The following NOL4 variants were observed in gnomAD, a reference collection of about 807,000 sequenced individuals.
NOL4 encodes nucleolar protein 4, also known as cancer/testis antigen 125.
NOL4 carries 17 observed loss-of-function variants against 75.9 expected under a neutral mutation model. That is an observed-to-expected ratio of 0.22 (90% CI 0.15 to 0.34). The LOEUF is 0.34. NOL4 is among the 10% of genes least tolerant of loss of function. The pLI is 1.00. For missense variants in NOL4, 614 were observed against 793.5 expected (o/e 0.77, Z 2.72); for synonymous variants, 292 against 289.9 (o/e 1.01, Z -0.07).
intron 6 of NOL4, among the ~76,000 whole-genome samples, chr18:33,970,249 T>C (rs1053090441): frequency 3.3e-5 from 5 of 152,196 alleles, no homozygotes; most frequent in African/African-American, 1.2e-4. Context: ...AACCCAGATA[T>C]GTAATATTTG....
intron 9 of NOL4, among the ~76,000 whole-genome samples, chr18:33,908,643 A>G (rs1429934565): frequency 6.6e-6 from 1 of 152,216 alleles, no homozygotes; most frequent in Non-Finnish European, 1.5e-5. Flanking sequence ...TATTTCAAGC[A>G]TATCAATTAT....
At chr18:34,042,096 C>T (rs922836242) in intron 5 of NOL4, among the ~76,000 whole-genome samples, 1 of 151,974 alleles carries the variant, frequency 6.6e-6, no homozygotes, top group South Asian at 2.1e-4. Flanking sequence ...TCTGAATATA[C>T]TTTAGTAAAT....
intron 5 of NOL4, among the ~76,000 whole-genome samples, chr18:34,066,502 T>C (rs1231565072): frequency 6.6e-6 from 1 of 151,978 alleles, no homozygotes; most frequent in Admixed American, 6.6e-5. Flanking sequence ...TATTGAACTA[T>C]TTACATAGAA....
chr18:34,011,183 G>A (rs1051049399), intron 6 of NOL4, among the ~76,000 whole-genome samples: 9 of 151,622 alleles, frequency 5.9e-5, no homozygotes, highest in Non-Finnish European at 1.0e-4. Flanking sequence ...ATGCATGTAT[G>A]AGACCATCAC....
chr18:34,218,829 G>T (rs10221293), intron 1 of NOL4, among the ~76,000 whole-genome samples: 4,338 of 152,240 alleles, frequency 0.028, 202 homozygotes, highest in African/African-American at 0.098. Context: ...ATAAATAACT[G>T]GGTCTGTAGC....
chr18:33,907,302 C>T (rs1411037282), intron 9 of NOL4, among the ~76,000 whole-genome samples: 2 of 121,514 alleles, frequency 1.6e-5, no homozygotes, highest in South Asian at 2.7e-4. Flanking sequence ...CCAGCCTGGG[C>T]GACAGAGCGA....
chr18:33,865,421 A>T (rs747257618), intron 10 of NOL4, among the ~76,000 whole-genome samples: 1 of 152,032 alleles, frequency 6.6e-6, no homozygotes, highest in Non-Finnish European at 1.5e-5. Context: ...ATTTTTTTCC[A>T]GTATTTTTGA....
intron 8 of NOL4, among the ~76,000 whole-genome samples, chr18:33,948,895 G>A (rs181811291): frequency 2.0e-5 from 3 of 152,118 alleles, no homozygotes; most frequent in Admixed American, 2.0e-4. Flanking sequence ...TATTAAGAGT[G>A]TGTTTAGTAG....
At chr18:34,125,659 C>T (rs567975402) in intron 2 of NOL4, among the ~76,000 whole-genome samples, 19 of 151,996 alleles carry the variant, frequency 1.3e-4, no homozygotes, top group African/African-American at 3.4e-4. Context: ...TATTAATGTT[C>T]GGAGTAAGGC....
intron 4 of NOL4, among the ~76,000 whole-genome samples, chr18:34,102,052 C>G (rs2079066030): frequency 6.6e-6 from 1 of 151,662 alleles, no homozygotes. Context: ...CACTATATCC[C>G]TCTGCTACAT....
At chr18:34,173,647 G>T (rs1263010348) in intron 1 of NOL4, among the ~76,000 whole-genome samples, 2 of 152,082 alleles carry the variant, frequency 1.3e-5, no homozygotes, top group African/African-American at 4.8e-5. Context: ...AATGCTGAAA[G>T]AATATTTTTA....
At chr18:34,061,324 T>C (rs2077054345) in intron 5 of NOL4, among the ~76,000 whole-genome samples, 1 of 152,172 alleles carries the variant, frequency 6.6e-6, no homozygotes. Flanking sequence ...AAGAAAAATA[T>C]AATGAGGTGT....
chr18:34,118,336 C>T (rs2079960642), intron 2 of NOL4, among the ~76,000 whole-genome samples: 1 of 152,038 alleles, frequency 6.6e-6, no homozygotes, highest in Admixed American at 6.6e-5. Flanking sequence ...GAAATAATCT[C>T]CTAGTGAAAT....
chr18:33,924,298 G>C (rs539354274), intron 9 of NOL4, among the ~76,000 whole-genome samples: 5 of 152,214 alleles, frequency 3.3e-5, no homozygotes, highest in African/African-American at 1.2e-4. Context: ...CTAAATGCTG[G>C]GACATTCTTT....
At chr18:34,065,237 C>T (rs905201947) in intron 5 of NOL4, among the ~76,000 whole-genome samples, 8 of 151,970 alleles carry the variant, frequency 5.3e-5, no homozygotes, top group African/African-American at 1.9e-4. Context: ...TCTCAAGGAT[C>T]CCCAATCATC....
chr18:33,936,558 C>G (rs1015522315), intron 9 of NOL4, among the ~76,000 whole-genome samples: 9 of 151,986 alleles, frequency 5.9e-5, no homozygotes, highest in Non-Finnish European at 1.2e-4. Context: ...AATGGTGTCA[C>G]ATCACAGTCA....
chr18:33,970,723 AT>A (rs920277672), intron 6 of NOL4, among the ~76,000 whole-genome samples: 2 of 148,620 alleles, frequency 1.3e-5, no homozygotes, highest in Non-Finnish European at 1.5e-5. Context: ...TCTTCAAGCT[AT>A]TTGTGTGTGT....
intron 9 of NOL4, among the ~76,000 whole-genome samples, chr18:33,920,886 C>T (rs769324494): frequency 2.6e-5 from 4 of 152,194 alleles, no homozygotes; most frequent in African/African-American, 4.8e-5. Flanking sequence ...GAGGTTGAGG[C>T]CAGCCAGCTG....
At chr18:34,077,793 G>A (rs1241510629) in intron 5 of NOL4, among the ~76,000 whole-genome samples, 3 of 152,094 alleles carry the variant, frequency 2.0e-5, no homozygotes, top group Non-Finnish European at 4.4e-5. Flanking sequence ...GGTTATTAGA[G>A]TAACTGATAA....
Sources: allele counts gnomAD v4.1 joint callset (sites outside exome capture counted in the v4.1 genomes callset), GRCh38; gene constraint gnomAD v4.1.1; transcripts MANE v1.5; gene names NCBI Gene and HGNC (gene_info 2026-07-23, HGNC 2026-07-21).